KCNB2: variants seen among roughly 807,000 people sequenced by gnomAD.
KCNB2 encodes the protein potassium voltage-gated channel subfamily B member 2.
Under a neutral mutation model 61.5 loss-of-function variants are expected in KCNB2, and 15 were observed. The observed-to-expected ratio is 0.24, with a 90% CI of 0.16 to 0.38. The LOEUF (loss-of-function observed/expected upper bound fraction) is 0.38. KCNB2 is among the 10% of genes least tolerant of loss of function. KCNB2 has a pLI of 1.00. For synonymous variants in KCNB2, 457 were observed against 446.0 expected, an observed-to-expected ratio of 1.02 and a Z score of -0.31; for missense variants, 828 against 1,125.2, an observed-to-expected ratio of 0.74 and a Z score of 3.78.
chr8:72,827,964 C>T (rs1423143504), intron 2 of KCNB2, among the ~76,000 whole-genome samples: 2 of 152,062 alleles, frequency 1.3e-5, no homozygotes, highest in Non-Finnish European at 2.9e-5. Context: ...AGGTGCCTGC[C>T]ACCATGCCCA....
At chr8:72,600,461 G>T (rs1038957725) in intron 2 of KCNB2, among the ~76,000 whole-genome samples, 1 of 152,036 alleles carries the variant, frequency 6.6e-6, no homozygotes, top group Non-Finnish European at 1.5e-5. Context: ...GGGGAGAGGG[G>T]AGGGATAGCA....
chr8:72,854,634 C>T (rs558242313), intron 2 of KCNB2, among the ~76,000 whole-genome samples: 66 of 152,192 alleles, frequency 4.3e-4, no homozygotes, highest in African/African-American at 1.5e-3. Flanking sequence ...ATGTAGCTAA[C>T]TTGTGCTAGG....
chr8:72,593,561 A>G (rs1476474401), intron 2 of KCNB2, among the ~76,000 whole-genome samples: 1 of 152,072 alleles, frequency 6.6e-6, no homozygotes, highest in Non-Finnish European at 1.5e-5. Context: ...TTCCTGGGCA[A>G]CTCTAGGGAG....
chr8:72,635,000 A>G (rs1305266704), intron 2 of KCNB2, among the ~76,000 whole-genome samples: 1 of 152,192 alleles, frequency 6.6e-6, no homozygotes, highest in East Asian at 1.9e-4. Context: ...TCCAGGAAGT[A>G]TGAATGTGAA....
intron 2 of KCNB2, among the ~76,000 whole-genome samples, chr8:72,830,508 C>T (rs567384935): frequency 2.0e-5 from 3 of 152,166 alleles, no homozygotes; most frequent in Non-Finnish European, 4.4e-5. Flanking sequence ...AACTGCTTGT[C>T]GAGTTCTCAT....
At chr8:72,757,775 G>A (rs1247126177) in intron 2 of KCNB2, among the ~76,000 whole-genome samples, 1 of 152,126 alleles carries the variant, frequency 6.6e-6, no homozygotes, top group African/African-American at 2.4e-5. Flanking sequence ...GCTGAAGTTT[G>A]GGCACTGACA....
At chr8:72,688,855 T>A (rs1443407667) in intron 2 of KCNB2, among the ~76,000 whole-genome samples, 5 of 152,164 alleles carry the variant, frequency 3.3e-5, no homozygotes, top group Non-Finnish European at 5.9e-5. Flanking sequence ...GCCTCCCAAG[T>A]AGCTGGGACT....
chr8:72,645,698 GTTCTGATGCTT>G (rs1351001006), intron 2 of KCNB2, among the ~76,000 whole-genome samples: 1 of 152,104 alleles, frequency 6.6e-6, no homozygotes, highest in African/African-American at 2.4e-5. Flanking sequence ...ACTGAATTAT[GTTCTGATGCTT>G]TTTTCCAGTC....
intron 2 of KCNB2, among the ~76,000 whole-genome samples, chr8:72,849,165 T>TTTGTTTG (rs1810050084): frequency 6.6e-6 from 1 of 151,306 alleles, no homozygotes; most frequent in Non-Finnish European, 1.5e-5. Flanking sequence ...TTTTTTTTAT[T>TTTGTTTG]TTACAATATC....
intron 2 of KCNB2, among the ~76,000 whole-genome samples, chr8:72,773,690 G>A (rs1279336968): frequency 6.6e-6 from 1 of 152,212 alleles, no homozygotes; most frequent in Non-Finnish European, 1.5e-5. Context: ...TATCTGTGAT[G>A]TTAAGTAAAA....
chr8:72,785,105 C>T (rs1263339380), intron 2 of KCNB2, among the ~76,000 whole-genome samples: 1 of 152,088 alleles, frequency 6.6e-6, no homozygotes, highest in Non-Finnish European at 1.5e-5. Flanking sequence ...TGGCTTGCTG[C>T]TATAATTTTA....
chr8:72,885,675 C>T (rs974173716), intron 2 of KCNB2, among the ~76,000 whole-genome samples: 3 of 152,068 alleles, frequency 2.0e-5, no homozygotes, highest in African/African-American at 2.4e-5. Flanking sequence ...ATTTCTATTA[C>T]TGTGTCTACT....
intron 2 of KCNB2, among the ~76,000 whole-genome samples, chr8:72,900,790 G>T (rs967893502): frequency 6.6e-6 from 1 of 152,100 alleles, no homozygotes; most frequent in African/African-American, 2.4e-5. Context: ...AAACTACAGT[G>T]AGATACCGTC....
chr8:72,587,960 T>C (rs1807025628), intron 2 of KCNB2, among the ~76,000 whole-genome samples: 1 of 152,200 alleles, frequency 6.6e-6, no homozygotes, highest in Admixed American at 6.5e-5. Context: ...TGGATTTAAA[T>C]GTCCATTTGC....
At chr8:72,599,665 C>T (rs1222817313) in intron 2 of KCNB2, among the ~76,000 whole-genome samples, 2 of 152,144 alleles carry the variant, frequency 1.3e-5, no homozygotes, top group Non-Finnish European at 2.9e-5. Context: ...AGGCAACCTA[C>T]AGGATGGGAG....
chr8:72,908,690 T>G (rs1272238388), intron 2 of KCNB2, among the ~76,000 whole-genome samples: 1 of 152,208 alleles, frequency 6.6e-6, no homozygotes, highest in Admixed American at 6.5e-5. Context: ...GAGATGTGGT[T>G]TAGACAAAGG....
At chr8:72,824,295 C>T (rs991974615) in intron 2 of KCNB2, among the ~76,000 whole-genome samples, 2 of 152,010 alleles carry the variant, frequency 1.3e-5, no homozygotes, top group African/African-American at 4.8e-5. Context: ...AACTAGCATC[C>T]CTGTAAGCTG....
At chr8:72,583,600 A>G (rs546622639) in intron 2 of KCNB2, among the ~76,000 whole-genome samples, 1 of 152,276 alleles carries the variant, frequency 6.6e-6, no homozygotes, top group East Asian at 1.9e-4. Context: ...TTTTCCCTGA[A>G]AGATCATGGG....
intron 1 of KCNB2, among the ~76,000 whole-genome samples, chr8:72,544,159 A>C (rs1488501908): frequency 6.6e-6 from 1 of 152,166 alleles, no homozygotes; most frequent in Non-Finnish European, 1.5e-5. Flanking sequence ...GTGGAAAAGG[A>C]GGTAGATGGA....
Sources: gnomAD v4.1 joint callset for allele counts (sites outside exome capture counted in the v4.1 genomes callset) on GRCh38, gnomAD v4.1.1 for gene constraint, MANE v1.5 for transcripts, NCBI Gene and HGNC (gene_info 2026-07-23, HGNC 2026-07-21) for gene names.